AOPEP: variants seen among roughly 807,000 people sequenced by gnomAD.
AOPEP encodes the protein aminopeptidase O.
AOPEP carries 77 observed loss-of-function variants against 98.1 expected under a neutral mutation model. The observed-to-expected ratio is 0.78, with a 90% CI of 0.65 to 0.95. AOPEP has a LOEUF of 0.95. Ranked by LOEUF, AOPEP falls within the 40% of genes least tolerant of loss-of-function variation. The pLI is 0.00. For missense variants in AOPEP, 1,024 were observed against 1,024.7 expected, an observed-to-expected ratio of 1.00 and a Z score of 0.01; for synonymous variants, 346 against 365.3, an observed-to-expected ratio of 0.95 and a Z score of 0.60.
Position 94,815,474 on chromosome 9 carries a change from G to T in AOPEP, c.1364+14472G>T, listed in dbSNP as rs72746559. ...GTCAAGAGTCACCTGAGGCTCCTCA[G>T]TTATGATGACCAGGCCTTTTATGGG... On this transcript the variant is annotated intron_variant, in intron 5 of 16. Transcript: ENST00000375315. Among the ~76,000 whole-genome samples, 708 of 152,292 alleles carry T rather than the reference G, an allele frequency of 4.6e-3. 9 individuals are homozygous for T. Among genetic ancestry groups the T allele is most frequent in the South Asian group, 0.041 (199 of 4,816 alleles).
At chr9:95,009,034 A>C (rs148823025) in intron 13 of AOPEP, among the ~76,000 whole-genome samples, 642 of 152,312 alleles carry the variant, frequency 4.2e-3, no homozygotes, top group South Asian at 0.011. Flanking sequence ...TTTTTGCAAC[A>C]GAAAAACAAG....
intron 15 of AOPEP, among the ~76,000 whole-genome samples, chr9:95,081,427 G>A (rs532707891): frequency 6.6e-6 from 1 of 152,328 alleles, no homozygotes; most frequent in Admixed American, 6.5e-5. Flanking sequence ...CTCTGCCTCT[G>A]AATGAGTGGC....
chr9:94,870,757 T>C (rs1175427375), intron 5 of AOPEP, among the ~76,000 whole-genome samples: 8 of 152,206 alleles, frequency 5.3e-5, no homozygotes, highest in Non-Finnish European at 1.2e-4. Context: ...GTGGGAAAAG[T>C]AGTAAAATGT....
At chr9:95,007,060 C>T (rs951315711) in intron 13 of AOPEP, among the ~76,000 whole-genome samples, 3 of 151,970 alleles carry the variant, frequency 2.0e-5, no homozygotes, top group African/African-American at 7.3e-5. Context: ...TGGCACCACA[C>T]CCTGCTAATT....
intron 3 of AOPEP, among the ~76,000 whole-genome samples, chr9:94,789,349 G>T (rs1195793389): frequency 2.0e-5 from 3 of 152,142 alleles, no homozygotes; most frequent in African/African-American, 7.2e-5. Context: ...CCAAGGGTCT[G>T]AATTTTTAAA....
At chr9:95,084,972 G>T (rs572385395) in intron 16 of AOPEP, among the ~76,000 whole-genome samples, 1 of 152,376 alleles carries the variant, frequency 6.6e-6, no homozygotes, top group African/African-American at 2.4e-5. Flanking sequence ...TAGCAATTGT[G>T]TGTGTCGCAT....
At chr9:94,778,735 T>C (rs1317138841) in intron 3 of AOPEP, among the ~76,000 whole-genome samples, 5 of 152,132 alleles carry the variant, frequency 3.3e-5, no homozygotes, top group Non-Finnish European at 2.9e-5. Context: ...ATTTAAGATG[T>C]ACACATTTAT....
rs71366268 is a variant in AOPEP at position 94,885,348 on chromosome 9, C to CAAAAAAAAAAAAAA, written c.1365-38609_1365-38596dup. On this transcript the variant is annotated intron_variant, in intron 5 of 16. Coordinates refer to ENST00000375315, the MANE Select transcript of AOPEP (RefSeq NM_001193329.3). ...TGGGTGACAGAGTGAGATCCTGTCT[C>CAAAAAAAAAAAAAA]AAAAAAAAAAAAAAAAAAAAAAAAA... Among the ~76,000 whole-genome samples, 11 of 35,988 alleles carry CAAAAAAAAAAAAAA rather than the reference C, an allele frequency of 3.1e-4. 1 individual carries two copies. The highest frequency in any genetic ancestry group is 4.6e-4 in the Non-Finnish European group (9 of 19,520). 23.6% of individuals were successfully genotyped at this position (35,988 alleles called of 152,430 possible).
chr9:94,951,512 T>C (rs1483302469), intron 7 of AOPEP, among the ~76,000 whole-genome samples: 2 of 152,182 alleles, frequency 1.3e-5, no homozygotes, highest in Admixed American at 6.5e-5. Flanking sequence ...CAGGATCTTA[T>C]GAGGGAAGAG....
At chr9:95,077,035 C>T (rs1440559110) in intron 14 of AOPEP, among the ~76,000 whole-genome samples, 16 of 152,176 alleles carry the variant, frequency 1.1e-4, no homozygotes, top group Admixed American at 1.0e-3. Context: ...TCTTCTCCTG[C>T]CACCTTCCAG....
At chr9:94,973,073 C>G (rs1478048741) in intron 10 of AOPEP, among the ~76,000 whole-genome samples, 2 of 152,228 alleles carry the variant, frequency 1.3e-5, no homozygotes, top group Non-Finnish European at 2.9e-5. Flanking sequence ...AGGGCATTTT[C>G]CATTCCAGAC....
intron 7 of AOPEP, among the ~76,000 whole-genome samples, chr9:94,929,220 A>G (rs2054884628): frequency 6.6e-6 from 1 of 152,212 alleles, no homozygotes; most frequent in South Asian, 2.1e-4. Flanking sequence ...CTAGAGTCAG[A>G]TGTTGGTAAT....
the AOPEP span, chr9:95,101,303 C>CT: frequency 1.2e-5 from 4 of 330,142 alleles, no homozygotes; most frequent in African/African-American, 8.2e-5. Context: ...TAAGTTCTCT[C>CT]TAAATTCTTT....
intron 14 of AOPEP, among the ~76,000 whole-genome samples, chr9:95,077,174 C>A (rs542455774): frequency 5.9e-5 from 9 of 152,234 alleles, no homozygotes; most frequent in African/African-American, 2.2e-4. Context: ...CCCCAGGAGC[C>A]CAGGTTATGT....
At chr9:94,773,770 AT>A (rs1841418431) in intron 3 of AOPEP, among the ~76,000 whole-genome samples, 1 of 152,068 alleles carries the variant, frequency 6.6e-6, no homozygotes, top group Non-Finnish European at 1.5e-5. Context: ...CCAGGAAAAA[AT>A]TTGTTTATTT....
intron 7 of AOPEP, among the ~76,000 whole-genome samples, chr9:94,942,367 C>T (rs1267188125): frequency 6.6e-6 from 1 of 152,116 alleles, no homozygotes; most frequent in East Asian, 1.9e-4. Flanking sequence ...TGTGTTTTGG[C>T]CAACAGTTTT....
chr9:94,743,193 A>AGAGGAAGAAGAGGAAGAAGAG (rs758633963), intron 1 of AOPEP, among the ~76,000 whole-genome samples: 128 of 121,978 alleles, frequency 1.0e-3, no homozygotes, highest in African/African-American at 3.6e-3. Context: ...AAGAAGAAGA[A>AGAGGAAGAAGAGGAAGAAGAG]GAAGAAGAGG....
chr9:94,729,362 GAGT>G (rs1052138277), intron 1 of AOPEP, among the ~76,000 whole-genome samples: 6 of 152,094 alleles, frequency 3.9e-5, no homozygotes, highest in African/African-American at 1.4e-4. Flanking sequence ...TTGAGCCCAG[GAGT>G]TCAAGACCAG....
intron 10 of AOPEP, among the ~76,000 whole-genome samples, chr9:94,975,771 C>T (rs77123788): frequency 0.012 from 1,786 of 152,300 alleles, 35 homozygotes; most frequent in African/African-American, 0.04. Flanking sequence ...AGTTCTCTGC[C>T]GTGTCCCTCT....
Sources: gnomAD v4.1 joint callset for allele counts (sites outside exome capture counted in the v4.1 genomes callset) on GRCh38, gnomAD v4.1.1 for gene constraint, MANE v1.5 for transcripts, NCBI Gene and HGNC (gene_info 2026-07-23, HGNC 2026-07-21) for gene names.